Variants in ZGRF1 observed in about 807,000 individuals in gnomAD.
The protein encoded by ZGRF1 is zinc finger GRF-type containing 1, also known as 5'-3' DNA helicase ZGRF1.
In ZGRF1, 196 loss-of-function variants were observed where a neutral mutation model predicts 203.5. The ratio of observed to expected loss-of-function variants is 0.96; its 90% confidence interval spans 0.86 to 1.08. The LOEUF (loss-of-function observed/expected upper bound fraction) is 1.08. Among genes scored for constraint, ZGRF1 ranks in the 50% least tolerant of loss-of-function variants. The pLI is 0.00. For synonymous variants in ZGRF1, 809 were observed against 841.3 expected, an observed-to-expected ratio of 0.96 and a Z score of 0.66; for missense variants, 2,326 against 2,416.3, an observed-to-expected ratio of 0.96 and a Z score of 0.78.
At chr4:112,570,791 A>G (rs1282618293) in intron 16 of ZGRF1, among the ~76,000 whole-genome samples, 1 of 152,148 alleles carries the variant, frequency 6.6e-6, no homozygotes, top group Non-Finnish European at 1.5e-5. Flanking sequence ...AATTATAATG[A>G]AAAAAATACT....
Position 112,609,428 on chromosome 4 carries a change from A to T in ZGRF1, c.2669T>A (p.Ile890Lys). ...SPHLHKDSQQ[I>K]LKEDEVELSE... ...TAGTTCAACTTCATCTTCTTTTAGT[A>T]TCTTAGGAATAGAATATTAATTTTA... is the stretch of plus-strand genomic sequence containing the variant. The change falls in exon 8 of 28, where the codon ATA (isoleucine) becomes AAA (lysine). Residue 890 changes from isoleucine to lysine, a missense_variant and splice_region_variant. Coordinates refer to ENST00000505019, the MANE Select transcript of ZGRF1 (RefSeq NM_018392.5). The T allele has an allele frequency of 6.6e-7, 1 of 1,507,844 alleles. No homozygotes were observed. 93.4% of individuals were successfully genotyped at this position (1,507,844 alleles called of 1,614,324 possible). A position where few individuals can be genotyped will look rare whatever the true frequency, so the allele number is the denominator to read the frequency against.
At chr4:112,583,905 C>A in intron 15 of ZGRF1, 73 bp downstream of exon 15, 1 of 971,582 alleles carries the variant, frequency 1.0e-6, no homozygotes, top group East Asian at 2.6e-5. Flanking sequence ...TCTTTTAAAA[C>A]TGATGATAGT....
chr4:112,547,330 A>G lies in ZGRF1; in HGVS notation c.5553T>C (p.His1851=). Residue 1851 remains histidine (H), a synonymous_variant, in exon 24 of 28, where the codon CAT becomes CAC. Transcript: ENST00000505019. ...PPTIQGSDAA[H]ENGLEQTLFD... is the part of the protein sequence containing the mutation. Reference sequence around the variant, plus strand: ...AAAGAGTTTGTTCCAATCCATTTTCATGAGCTGCATCAGAACCCTGAATAG... The same window carrying G: ...AAAGAGTTTGTTCCAATCCATTTTCGTGAGCTGCATCAGAACCCTGAATAG... 2 of 1,613,758 alleles carry G rather than the reference A, an allele frequency of 1.2e-6. No homozygotes were observed. The highest frequency in any genetic ancestry group is 1.7e-6 in the Non-Finnish European group (2 of 1,179,794).
At chr4:112,621,436 G>A (rs2047055210) in intron 4 of ZGRF1, among the ~76,000 whole-genome samples, 1 of 151,946 alleles carries the variant, frequency 6.6e-6, no homozygotes, top group Non-Finnish European at 1.5e-5. Flanking sequence ...GATCACCTGA[G>A]GTTGGGAGTT....
chr4:112,595,517 G>GC (rs1748853004), intron 10 of ZGRF1, among the ~76,000 whole-genome samples: 1 of 152,130 alleles, frequency 6.6e-6, no homozygotes, highest in South Asian at 2.1e-4. Context: ...TAGGAGACCA[G>GC]CCTGGGCAAC....
At position 112,620,016 on chromosome 4, in the gene ZGRF1, T is replaced by C; in HGVS notation, c.337A>G (p.Lys113Glu). The C allele has an allele frequency of 1.9e-6, 3 of 1,579,950 alleles. No homozygotes were observed. The highest frequency in any genetic ancestry group is 2.6e-6 in the Non-Finnish European group (3 of 1,169,254). Residue 113 changes from lysine to glutamate, a missense_variant, in exon 5 of 28, where the codon AAA (lysine) becomes GAA (glutamate). Transcript: ENST00000505019. ...GCAAAACTTACAGTAAACTTCCTTT[T>C]TAAGCCAGAGGGCTGACATCCAAGA... ...RSLGCQPSGL[K>E]RKFTGFQGPR...
chr4:112,629,951 A>G, intron 3 of ZGRF1: 1 of 333,366 alleles, frequency 3.0e-6, no homozygotes. Flanking sequence ...CCTTGGATGC[A>G]GAGGTTGTAG....
chr4:112,596,469 T>C (rs557039073), intron 10 of ZGRF1, among the ~76,000 whole-genome samples: 2 of 152,182 alleles, frequency 1.3e-5, no homozygotes, highest in Non-Finnish European at 2.9e-5. Context: ...CAAAGAAATA[T>C]ATTTTTTAAA....
At position 112,619,164 on chromosome 4, in the gene ZGRF1, G is replaced by C; in HGVS notation, c.878C>G (p.Pro293Arg). 1 of 1,613,520 alleles carries C rather than the reference G, an allele frequency of 6.2e-7. No individual in the cohort carries two copies. Among genetic ancestry groups the C allele is most frequent in the East Asian group, 2.2e-5 (1 of 44,864 alleles). The change falls in exon 6 of 28, where the codon CCA (proline) becomes CGA (arginine). Residue 293 changes from proline to arginine, a missense_variant. Pro to Arg is a moderately radical substitution (Grantham distance 103). Transcript: ENST00000505019. Reference sequence around the variant, plus strand: ...CTCTTCCTGTTGAATTAGGTACTTTGGTTTAGTAGCAATTTTTAAACTTCC... The same window carrying C: ...CTCTTCCTGTTGAATTAGGTACTTTCGTTTAGTAGCAATTTTTAAACTTCC... ...PQGSLKIATK[P>R]KYLIQQEECA...
chr4:112,545,173 TC>T (rs1560733018), intron 24 of ZGRF1, among the ~76,000 whole-genome samples: 1 of 149,914 alleles, frequency 6.7e-6, no homozygotes, highest in Non-Finnish European at 1.5e-5. Flanking sequence ...CTTTTGTGCA[TC>T]AAAAAACACT....
At chr4:112,562,236 GAA>G in intron 18 of ZGRF1, 133 bp downstream of exon 18, 1 of 610,272 alleles carries the variant, frequency 1.6e-6, no homozygotes, top group Non-Finnish European at 2.9e-6. Context: ...CACTGACAGA[GAA>G]TAATGTCATA....
intron 1 of ZGRF1, among the ~76,000 whole-genome samples, chr4:112,636,117 G>GT (rs1409565558): frequency 6.6e-6 from 1 of 152,152 alleles, no homozygotes; most frequent in African/African-American, 2.4e-5. Context: ...GATGCAAAGA[G>GT]TTTTTTCCAA....
rs548378922 is a variant in ZGRF1 at position 112,557,972 on chromosome 4, C to T, written c.5120+178G>A. Among the ~76,000 whole-genome samples, 26 of 152,302 alleles carry T rather than the reference C, an allele frequency of 1.7e-4. No homozygotes were observed. In the South Asian group the frequency reaches 5.2e-3, roughly 30 times the overall value. On this transcript the variant is annotated intron_variant, in intron 20 of 27. Coordinates refer to ENST00000505019, the MANE Select transcript of ZGRF1 (RefSeq NM_018392.5). The stretch of plus-strand genomic sequence containing the variant: ...CAGTTCTGGTTTTGATTTTATCCTA[C>T]TTACAAGCTAATTAGCCCATTACTG...
In ZGRF1 at chr4:112,539,427, CTA is replaced by C. The variant is rs1410178153; in HGVS notation, c.*118_*119del. 4.5e-5 allele frequency: 25 copies of C among 560,108 alleles called. 1 individual carries two copies. Among genetic ancestry groups the C allele is most frequent in the Admixed American group, 3.8e-5 (1 of 26,640 alleles). 34.7% of individuals were successfully genotyped at this position (560,108 alleles called of 1,614,324 possible). ...AGAACAAAATTTTTACATGTGTTTA[CTA>C]TGTTATTTAAATATCATATTTTTAA... is the stretch of plus-strand genomic sequence containing the variant. On this transcript the variant is annotated 3_prime_UTR_variant, in exon 28 of 28. Transcript: ENST00000505019.
chr4:112,623,083 T>G (rs1009128340), intron 4 of ZGRF1, among the ~76,000 whole-genome samples: 2 of 152,210 alleles, frequency 1.3e-5, no homozygotes, highest in Non-Finnish European at 1.5e-5. Context: ...TGGTTCCCAC[T>G]TACATGTGAG....
intron 4 of ZGRF1, among the ~76,000 whole-genome samples, chr4:112,621,089 C>A (rs72668099): frequency 6.6e-6 from 1 of 151,912 alleles, no homozygotes; most frequent in Admixed American, 6.6e-5. Flanking sequence ...ATATAAGGCC[C>A]CTTGTTACAT....
chr4:112,627,841 T>C (rs1354334759), intron 3 of ZGRF1, among the ~76,000 whole-genome samples: 1 of 152,242 alleles, frequency 6.6e-6, no homozygotes, highest in Admixed American at 6.5e-5. Flanking sequence ...CTTCATGATA[T>C]TGTTCCTGTC....
chr4:112,549,860 G>A (rs1354859523), intron 22 of ZGRF1, among the ~76,000 whole-genome samples: 1 of 151,958 alleles, frequency 6.6e-6, no homozygotes, highest in Non-Finnish European at 1.5e-5. Flanking sequence ...TATCATAAGC[G>A]CTGACAGCCC....
Position 112,620,098 on chromosome 4 carries a change from A to G in ZGRF1, c.255T>C (p.Asn85=). The stretch of plus-strand genomic sequence containing the variant: ...TTAACTCTGGTGCTTCTTTATTGAC[A>G]TTCTGCTTAACAATACCTATGGCTC... ...VAGAIGIVKQ[N]VNKEAPELNS... The change falls in exon 5 of 28, where the codon AAT becomes AAC. Residue 85 remains asparagine (N), a synonymous_variant. Transcript: ENST00000505019. 6.2e-7 allele frequency: 1 copy of G among 1,613,558 alleles called. No homozygotes were observed. The highest frequency in any genetic ancestry group is 8.5e-7 in the Non-Finnish European group (1 of 1,179,688).
Sources: allele counts gnomAD v4.1 joint callset (sites outside exome capture counted in the v4.1 genomes callset), GRCh38; gene constraint gnomAD v4.1.1; transcripts MANE v1.5; gene names NCBI Gene and HGNC (gene_info 2026-07-23, HGNC 2026-07-21).